The following MAGI2 variants were observed in gnomAD, a reference collection of about 807,000 sequenced individuals.
The protein encoded by MAGI2 is membrane-associated guanylate kinase, WW and PDZ domain-containing protein 2.
A neutral mutation model predicts 133.3 loss-of-function variants in MAGI2; 35 were observed. The observed-to-expected ratio is 0.26, with a 90% CI of 0.20 to 0.35. MAGI2 has a LOEUF of 0.35. MAGI2 is among the 10% of genes least tolerant of loss of function. The probability of loss-of-function intolerance (pLI) is 1.00; values close to 1 mark genes in which losing one functional copy is unlikely to be tolerated. For missense variants in MAGI2, 1,636 were observed against 1,863.4 expected, an observed-to-expected ratio of 0.88 and a Z score of 2.25; for synonymous variants, 729 against 710.6, an observed-to-expected ratio of 1.03 and a Z score of -0.41.
At chr7:78,700,526 G>A (rs1262839183) in intron 2 of MAGI2, among the ~76,000 whole-genome samples, 1 of 152,004 alleles carries the variant, frequency 6.6e-6, no homozygotes, top group African/African-American at 2.4e-5. Context: ...ATCTTTTAAG[G>A]TTTTAGTAAA....
intron 10 of MAGI2, among the ~76,000 whole-genome samples, chr7:78,223,429 T>C (rs977089786): frequency 6.6e-6 from 1 of 152,134 alleles, no homozygotes; most frequent in Non-Finnish European, 1.5e-5. Context: ...ATTATATTCT[T>C]AAAGTACTTG....
chr7:78,662,442 T>G (rs972166094), intron 2 of MAGI2, among the ~76,000 whole-genome samples: 4 of 152,220 alleles, frequency 2.6e-5, no homozygotes, highest in African/African-American at 9.6e-5. Context: ...TCTATATAAA[T>G]TCTATCTTAG....
At chr7:78,122,666 C>T (rs1432096243) in intron 20 of MAGI2, among the ~76,000 whole-genome samples, 2 of 152,134 alleles carry the variant, frequency 1.3e-5, no homozygotes, top group Non-Finnish European at 2.9e-5. Flanking sequence ...TTTATGGAAA[C>T]AGGAAAATAT....
chr7:78,663,281 A>G (rs1202612497), intron 2 of MAGI2, among the ~76,000 whole-genome samples: 1 of 141,772 alleles, frequency 7.1e-6, no homozygotes, highest in Non-Finnish European at 1.5e-5. Flanking sequence ...ATCTCTGCTC[A>G]CTGCAATATC....
At chr7:78,980,552 C>CA (rs1232810153) in intron 2 of MAGI2, among the ~76,000 whole-genome samples, 1 of 151,874 alleles carries the variant, frequency 6.6e-6, no homozygotes, top group Non-Finnish European at 1.5e-5. Context: ...ACGCTAATGA[C>CA]ATCTCTCCAT....
intron 21 of MAGI2, among the ~76,000 whole-genome samples, chr7:78,043,228 C>A (rs1811041145): frequency 6.6e-6 from 1 of 152,168 alleles, no homozygotes; most frequent in Non-Finnish European, 1.5e-5. Context: ...CAAGAAGAGG[C>A]TTAACTCATA....
At chr7:79,055,442 T>C (rs1813067011) in intron 1 of MAGI2, among the ~76,000 whole-genome samples, 1 of 152,204 alleles carries the variant, frequency 6.6e-6, no homozygotes, top group African/African-American at 2.4e-5. Context: ...GTATCAGATA[T>C]TTTATATTAA....
At chr7:78,649,222 T>TAAAAAAAAAAAAAAAAAGAA (rs1361378575) in intron 2 of MAGI2, among the ~76,000 whole-genome samples, 1 of 45,052 alleles carries the variant, frequency 2.2e-5, no homozygotes, top group Non-Finnish European at 3.8e-5. Flanking sequence ...TGACTTGTGG[T>TAAAAAAAAAAAAAAAAAGAA]AAAAAAAAAA....
At chr7:79,073,106 C>A (rs1219364438) in intron 1 of MAGI2, among the ~76,000 whole-genome samples, 1 of 152,132 alleles carries the variant, frequency 6.6e-6, no homozygotes, top group African/African-American at 2.4e-5. Context: ...TTGCTTATGT[C>A]ATCTAAAATC....
chr7:78,928,283 C>T (rs1227995296), intron 2 of MAGI2, among the ~76,000 whole-genome samples: 2 of 151,712 alleles, frequency 1.3e-5, no homozygotes, highest in Non-Finnish European at 1.5e-5. Context: ...CATCACCAGC[C>T]AGCAGGAAAA....
chr7:78,623,604 C>A (rs572069985), intron 3 of MAGI2, among the ~76,000 whole-genome samples: 16 of 152,064 alleles, frequency 1.1e-4, no homozygotes, highest in African/African-American at 3.6e-4. Flanking sequence ...GGTATTTTTG[C>A]CTATTTCCTG....
chr7:78,769,721 C>T (rs1378607154), intron 2 of MAGI2, among the ~76,000 whole-genome samples: 1 of 152,140 alleles, frequency 6.6e-6, no homozygotes, highest in East Asian at 1.9e-4. Context: ...TGCCAGAGCG[C>T]ATCTTAATTT....
chr7:78,337,983 T>C (rs1290126144), intron 9 of MAGI2, among the ~76,000 whole-genome samples: 3 of 152,188 alleles, frequency 2.0e-5, no homozygotes, highest in African/African-American at 2.4e-5. Context: ...GCCAGGAGCA[T>C]GTAAGTAAAA....
At chr7:78,221,298 C>G (rs1259242069) in intron 10 of MAGI2, among the ~76,000 whole-genome samples, 1 of 152,186 alleles carries the variant, frequency 6.6e-6, no homozygotes, top group Non-Finnish European at 1.5e-5. Context: ...TTCTCTTCCG[C>G]CTGTTGTCCA....
chr7:78,725,401 C>T (rs1820671871), intron 2 of MAGI2, among the ~76,000 whole-genome samples: 1 of 152,180 alleles, frequency 6.6e-6, no homozygotes, highest in Non-Finnish European at 1.5e-5. Flanking sequence ...TTCCATTGTA[C>T]TTTTTAAAAA....
chr7:79,143,335 C>A (rs947220039), intron 1 of MAGI2, among the ~76,000 whole-genome samples: 1 of 152,142 alleles, frequency 6.6e-6, no homozygotes, highest in African/African-American at 2.4e-5. Flanking sequence ...GATAACTTGG[C>A]AATACTCTGT....
chr7:78,501,481 T>A (rs1794615421), intron 5 of MAGI2, 96 bp downstream of exon 5: 1 of 1,111,138 alleles, frequency 9.0e-7, no homozygotes, highest in African/African-American at 1.9e-5. Context: ...TTCATGTTTT[T>A]TTCTTTTTTT....
In MAGI2 at chr7:79,443,285, CGTGTGTGTGTGTGT is replaced by C. The variant is rs10600873; in HGVS notation, c.301+9721_301+9734del. ...TGAAGTGTGTGTGTGTGTGTGTGTG[CGTGTGTGTGTGTGT>C]GTGTGTGTGTGTGTGTGTATTCCAT... On this transcript the variant is annotated intron_variant, in intron 1 of 21. Coordinates refer to ENST00000354212, the MANE Select transcript of MAGI2 (RefSeq NM_012301.4). 2.9e-5 allele frequency among the ~76,000 whole-genome samples: 4 copies of C among 139,326 alleles called. No individual in the cohort carries two copies. In the East Asian group the frequency reaches 6.8e-4, roughly 24 times the overall value. The allele number at this position is 139,326 out of a possible 152,430, so 91.4% of individuals were successfully genotyped here.
intron 1 of MAGI2, among the ~76,000 whole-genome samples, chr7:79,393,663 G>T (rs1369788663): frequency 6.6e-6 from 1 of 152,062 alleles, no homozygotes; most frequent in African/African-American, 2.4e-5. Flanking sequence ...CCTTTTATTG[G>T]AAATCCCACA....
Sources: allele counts gnomAD v4.1 joint callset (sites outside exome capture counted in the v4.1 genomes callset), GRCh38; gene constraint gnomAD v4.1.1; transcripts MANE v1.5; gene names NCBI Gene and HGNC (gene_info 2026-07-23, HGNC 2026-07-21).